Variants in VAV2 observed in about 807,000 individuals in gnomAD.
VAV2 encodes the protein vav guanine nucleotide exchange factor 2, also known as guanine nucleotide exchange factor VAV2.
A neutral mutation model predicts 132.5 loss-of-function variants in VAV2; 67 were observed. The ratio of observed to expected loss-of-function variants is 0.51; its 90% CI spans 0.42 to 0.62. The LOEUF (loss-of-function observed/expected upper bound fraction) is 0.62. Ranked by LOEUF, VAV2 falls within the 20% of genes least tolerant of loss-of-function variation. VAV2 has a pLI of 0.00. For synonymous variants in VAV2, 492 were observed against 443.5 expected, an observed-to-expected ratio of 1.11 and a Z score of -1.37; for missense variants, 938 against 1,153.6, an observed-to-expected ratio of 0.81 and a Z score of 2.71.
chr9:133,979,775 C>T (rs1372911171), intron 1 of VAV2, among the ~76,000 whole-genome samples: 3 of 152,236 alleles, frequency 2.0e-5, no homozygotes, highest in African/African-American at 4.8e-5. Flanking sequence ...TCAGCTGAAA[C>T]GGCATTCGGG....
At chr9:133,765,809 A>G (rs1276323498) in intron 29 of VAV2, among the ~76,000 whole-genome samples, 2 of 152,234 alleles carry the variant, frequency 1.3e-5, no homozygotes, top group Non-Finnish European at 2.9e-5. Flanking sequence ...TGAGTTAGAG[A>G]GAAATAGACA....
intron 26 of VAV2, among the ~76,000 whole-genome samples, chr9:133,770,825 G>C (rs567809397): frequency 6.6e-6 from 1 of 152,330 alleles, no homozygotes; most frequent in African/African-American, 2.4e-5. Context: ...AGAAATAACA[G>C]GATCTCCAAG....
At chr9:133,945,319 G>A (rs933090924) in intron 1 of VAV2, among the ~76,000 whole-genome samples, 10 of 152,176 alleles carry the variant, frequency 6.6e-5, no homozygotes, top group Admixed American at 2.0e-4. Context: ...GTAGGAGCCC[G>A]GCCTTTGGGC....
At chr9:133,906,978 C>T (rs1839680287) in intron 2 of VAV2, among the ~76,000 whole-genome samples, 1 of 152,248 alleles carries the variant, frequency 6.6e-6, no homozygotes, top group South Asian at 2.1e-4. Context: ...CCCAGCGAGC[C>T]CCTCCGTGAG....
In VAV2 at chr9:133,984,632, G is replaced by A. The variant is rs140181070; in HGVS notation, c.204+7443C>T. The stretch of plus-strand genomic sequence containing the variant: ...TGTCTCTAAAAATAATTCATAATAA[G>A]AATATTTCTTCATCCCCAAAGATTT... On this transcript the variant is annotated intron_variant, in intron 1 of 29. Coordinates refer to ENST00000371850, the MANE Select transcript of VAV2 (RefSeq NM_001134398.2). Among the ~76,000 whole-genome samples the A allele has an allele frequency of 1.1e-4, 16 of 151,418 alleles. No individual in the cohort carries two copies. In the East Asian group the frequency reaches 2.3e-3, roughly 22 times the overall value.
At chr9:133,841,959 G>GC (rs11370610) in intron 3 of VAV2, among the ~76,000 whole-genome samples, 33,199 of 152,024 alleles carry the variant, frequency 0.22, 4,527 homozygotes, top group African/African-American at 0.4. Context: ...TTGGAAAAGC[G>GC]CCCCTCCCCA....
chr9:133,933,952 G>GA (rs57228303), intron 2 of VAV2, among the ~76,000 whole-genome samples: 101,200 of 129,956 alleles, frequency 0.78, 41,822 homozygotes, highest in East Asian at 0.93. Flanking sequence ...TGGATGGATG[G>GA]TGGATGGATG....
intron 2 of VAV2, among the ~76,000 whole-genome samples, chr9:133,867,986 C>T (rs887803917): frequency 3.3e-5 from 5 of 152,248 alleles, no homozygotes; most frequent in African/African-American, 4.8e-5. Flanking sequence ...GGAAGAGTCC[C>T]GGCTGTTCTC....
intron 2 of VAV2, among the ~76,000 whole-genome samples, chr9:133,889,015 G>A (rs1019007928): frequency 2.0e-5 from 3 of 152,180 alleles, no homozygotes; most frequent in Non-Finnish European, 4.4e-5. Context: ...CCCCGTCCCT[G>A]GGGAAGCCTC....
intron 4 of VAV2, among the ~76,000 whole-genome samples, chr9:133,815,818 G>T (rs1016712623): frequency 6.6e-6 from 1 of 152,182 alleles, no homozygotes; most frequent in Non-Finnish European, 1.5e-5. Flanking sequence ...TGGGTGGGGG[G>T]TTACACAGGC....
rs185428668 is a variant in VAV2 at position 133,790,793 on chromosome 9, G to A, written c.1188+990C>T. Among the ~76,000 whole-genome samples, 32 of 152,168 alleles carry A rather than the reference G, an allele frequency of 2.1e-4. No homozygotes were observed. The East Asian group carries it at 4.8e-3, about 23-fold the overall frequency. ...GTGCTTTTCCGTGCCCCACGTTCGC[G>A]GAGGGCATTCTCTTTGTGCTGCTGG... is the stretch of plus-strand genomic sequence containing the variant. On this transcript the variant is annotated intron_variant, in intron 13 of 29. Transcript: ENST00000371850.
At chr9:133,920,264 C>G (rs55785906) in intron 2 of VAV2, among the ~76,000 whole-genome samples, 10,105 of 152,334 alleles carry the variant, frequency 0.066, 632 homozygotes, top group African/African-American at 0.16. Flanking sequence ...CTCCAGTCCA[C>G]AAAGGGCCAC....
chr9:133,915,483 T>G (rs1426893223), intron 2 of VAV2, among the ~76,000 whole-genome samples: 2 of 152,194 alleles, frequency 1.3e-5, no homozygotes, highest in African/African-American at 2.4e-5. Context: ...CAAGGGGCTG[T>G]GCCCACTTTA....
At chr9:133,901,839 G>A (rs1471307915) in intron 2 of VAV2, among the ~76,000 whole-genome samples, 1 of 152,232 alleles carries the variant, frequency 6.6e-6, no homozygotes, top group Non-Finnish European at 1.5e-5. Context: ...CCAGGAGACG[G>A]GCCGATGGGG....
chr9:133,891,525 G>A (rs570638037), intron 2 of VAV2, among the ~76,000 whole-genome samples: 2 of 37,902 alleles, frequency 5.3e-5, no homozygotes, highest in African/African-American at 2.7e-4. Flanking sequence ...GGGAGGCATG[G>A]AGGGGGAAGG....
Position 133,845,313 on chromosome 9 carries a change from C to T in VAV2, c.381-10973G>A, listed in dbSNP as rs1457318939. ...CAGGAGGAACAGCCCGCATGGCACG[C>T]CCAAGGCAACAAGTTTAAAATGCAG... On this transcript the variant is annotated intron_variant, in intron 3 of 29. Coordinates refer to ENST00000371850, the MANE Select transcript of VAV2 (RefSeq NM_001134398.2). 2.6e-5 allele frequency among the ~76,000 whole-genome samples: 4 copies of T among 152,238 alleles called. No individual in the cohort carries two copies. The East Asian group carries it at 7.7e-4, about 29-fold the overall frequency.
intron 1 of VAV2, among the ~76,000 whole-genome samples, chr9:133,989,782 T>C (rs1223980611): frequency 6.6e-6 from 1 of 152,198 alleles, no homozygotes; most frequent in East Asian, 1.9e-4. Context: ...CCAGATGCAG[T>C]AAAGTGGTTT....
intron 4 of VAV2, among the ~76,000 whole-genome samples, chr9:133,819,886 T>A (rs1449912240): frequency 6.6e-6 from 1 of 152,178 alleles, no homozygotes; most frequent in African/African-American, 2.4e-5. Flanking sequence ...GGTAAAGAAG[T>A]GGTTTTTCAA....
chr9:133,877,794 A>T (rs192790167), intron 2 of VAV2, among the ~76,000 whole-genome samples: 228 of 152,266 alleles, frequency 1.5e-3, no homozygotes, highest in African/African-American at 5.3e-3. Context: ...GGCCATTTTA[A>T]TGGGAAGGGG....
Sources: gnomAD v4.1 joint callset for allele counts (sites outside exome capture counted in the v4.1 genomes callset) on GRCh38, gnomAD v4.1.1 for gene constraint, MANE v1.5 for transcripts, NCBI Gene and HGNC (gene_info 2026-07-23, HGNC 2026-07-21) for gene names.